Variants in GSDME observed in about 807,000 individuals in gnomAD.
GSDME encodes gasdermin E, also known as gasdermin-E.
GSDME carries 44 observed loss-of-function variants against 47.5 expected under a neutral mutation model. The ratio of observed to expected loss-of-function variants is 0.93; its 90% CI spans 0.73 to 1.19. GSDME has a LOEUF of 1.19. Ranked by LOEUF, GSDME falls within the 50% of genes most tolerant of loss-of-function variation. The probability of loss-of-function intolerance (pLI) is 0.00; values close to 1 mark genes in which losing one functional copy is unlikely to be tolerated. For synonymous variants in GSDME, 258 were observed against 252.8 expected, an observed-to-expected ratio of 1.02 and a Z score of -0.20; for missense variants, 663 against 604.2, an observed-to-expected ratio of 1.10 and a Z score of -1.02.
rs1317360048 is a variant in GSDME at position 24,756,890 on chromosome 7, G to A, written c.-20+506C>T. Among the ~76,000 whole-genome samples, 1 of 152,162 alleles carries A rather than the reference G, an allele frequency of 6.6e-6. No individual in the cohort carries two copies. Among genetic ancestry groups the A allele is most frequent in the African/African-American group, 2.4e-5 (1 of 41,428 alleles). ...CTCTAGATACCGGAGCAAAGTGGAGGGGGACTTTTTTCCGTCCAGAGAGAC... is the reference window on the plus strand; with the variant it reads ...CTCTAGATACCGGAGCAAAGTGGAGAGGGACTTTTTTCCGTCCAGAGAGAC... On this transcript the variant is annotated intron_variant, in intron 1 of 9. Transcript: ENST00000645220. This position sits in a 1 kb window ranked among gnomAD's most constrained non-coding sequence, Gnocchi z 4.2.
the GSDME span, among the ~76,000 whole-genome samples, chr7:24,781,424 T>C: frequency 6.6e-6 from 1 of 152,202 alleles, no homozygotes; most frequent in African/African-American, 2.4e-5. Flanking sequence ...TGAATTTATA[T>C]TCACAACACA....
intron 2 of GSDME, among the ~76,000 whole-genome samples, chr7:24,748,263 G>A (rs562807649): frequency 3.3e-5 from 5 of 151,206 alleles, no homozygotes; most frequent in Non-Finnish European, 7.4e-5. Flanking sequence ...GGGTTCAAGC[G>A]ATTCTCCTGC....
rs1291819695 is a variant in GSDME at position 24,702,785 on chromosome 7, TG to T, written c.1231del (p.Gln411ArgfsTer26). 6.2e-7 allele frequency: 1 copy of T among 1,613,564 alleles called. No individual in the cohort carries two copies. Among genetic ancestry groups the T allele is most frequent in the Non-Finnish European group, 8.5e-7 (1 of 1,179,660 alleles). On this transcript the variant is annotated frameshift_variant, in exon 9 of 10. Transcript: ENST00000645220. LOFTEE classifies it low-confidence loss of function (END_TRUNC). ...AALLGTCCKL[Q>X]IIPTLCHLLR... ...CAAGTGGCACAGTGTGGGAATGATC[TG>T]GAGTTTGCAGCAAGTGCCCAGCAGA...
rs1789458393 is a variant in GSDME, at chr7:24,714,199, G to A, written c.697+3055C>T. On this transcript the variant is annotated intron_variant, in intron 5 of 9. Transcript: ENST00000645220. This position sits in a 1 kb window ranked among gnomAD's most constrained non-coding sequence, Gnocchi z 5.0. ...AGAGGGGAGCTGTGGGTGAAGGAAA[G>A]GGTCTCATTGCAGCTGGCATGGCTG... Among the ~76,000 whole-genome samples, 1 of 152,216 alleles carries A rather than the reference G, an allele frequency of 6.6e-6. No homozygotes were observed. Among genetic ancestry groups the A allele is most frequent in the African/African-American group, 2.4e-5 (1 of 41,448 alleles).
the GSDME span, among the ~76,000 whole-genome samples, chr7:24,780,478 C>G: frequency 1.3e-5 from 2 of 152,172 alleles, no homozygotes; most frequent in Non-Finnish European, 2.9e-5. The surrounding 1 kb of genome is among the most constrained non-coding windows in gnomAD (Gnocchi z 4.1). Flanking sequence ...AGGATTTGAG[C>G]TGTTTTCTGC....
At chr7:24,791,672 C>T in the GSDME span, among the ~76,000 whole-genome samples, 1 of 152,104 alleles carries the variant, frequency 6.6e-6, no homozygotes, top group Non-Finnish European at 1.5e-5. This position sits in a 1 kb window ranked among gnomAD's most constrained non-coding sequence, Gnocchi z 4.8. Flanking sequence ...GATGAAATGC[C>T]AGGGTGAAAG....
chr7:24,699,521 G>A (rs1376257012), intron 9 of GSDME, among the ~76,000 whole-genome samples: 6 of 152,110 alleles, frequency 3.9e-5, no homozygotes, highest in East Asian at 1.9e-4. Flanking sequence ...TGTATTTTTA[G>A]TAGAGATGGG....
rs939929021 is a variant in GSDME at position 24,739,876 on chromosome 7, C to A, written c.404+4686G>T. On this transcript the variant is annotated intron_variant, in intron 3 of 9. Coordinates refer to ENST00000645220, the MANE Select transcript of GSDME (RefSeq NM_001127453.2). This position sits in a 1 kb window ranked among gnomAD's most constrained non-coding sequence, Gnocchi z 5.1. ...TTGGGAGGCTAAGGCAGGCGGATCA[C>A]GAGGTCAGGAGTTCAAGACCAGCCT... 7.2e-5 allele frequency among the ~76,000 whole-genome samples: 11 copies of A among 152,048 alleles called. No homozygotes were observed. The highest frequency in any genetic ancestry group is 1.0e-4 in the Non-Finnish European group (7 of 68,018).
chr7:24,762,607 T>C (rs1035342127), upstream of GSDME, among the ~76,000 whole-genome samples: 3 of 152,180 alleles, frequency 2.0e-5, no homozygotes, highest in Non-Finnish European at 4.4e-5. Context: ...GTACTGAGGA[T>C]ATAAGGTGAC....
chr7:24,769,089 T>G, the GSDME span, among the ~76,000 whole-genome samples: 1 of 152,328 alleles, frequency 6.6e-6, no homozygotes, highest in African/African-American at 2.4e-5. Flanking sequence ...CCTAACAAGT[T>G]AAAAAGCTGA....
intron 3 of GSDME, among the ~76,000 whole-genome samples, chr7:24,743,463 CA>C (rs1790551219): frequency 6.6e-6 from 1 of 152,214 alleles, no homozygotes. Context: ...AATAACTTCT[CA>C]ACTGAACTCC....
intron 7 of GSDME, chr7:24,707,339 G>C (rs931667507): frequency 2.1e-6 from 1 of 471,254 alleles, no homozygotes; most frequent in African/African-American, 2.0e-5. Context: ...CAGAATCTGG[G>C]TGGCTGGAGG....
At position 24,707,984 on chromosome 7, in the gene GSDME, A is replaced by G. The variant is rs1789184981; in HGVS notation, c.990+143T>C. On this transcript the variant is annotated intron_variant, in intron 7 of 9. Coordinates refer to ENST00000645220, the MANE Select transcript of GSDME (RefSeq NM_001127453.2). ...GCCAGCTACCTGTCTGCACTTAGAA[A>G]ACGCAGGACCCAAGAGTCAGAAAAG... The G allele has an allele frequency of 4.5e-5, 46 of 1,030,698 alleles. 1 individual carries two copies. The South Asian group carries it at 6.9e-4, about 15-fold the overall frequency. 63.8% of individuals were successfully genotyped at this position (1,030,698 alleles called of 1,614,324 possible). A position where few individuals can be genotyped will look rare whatever the true frequency, so the allele number is the denominator to read the frequency against.
chr7:24,703,201 G>A, intron 8 of GSDME: 1 of 347,986 alleles, frequency 2.9e-6, no homozygotes, highest in South Asian at 2.3e-5. Context: ...TCAGGCTGCA[G>A]CCTCAGGTAC....
upstream of GSDME, among the ~76,000 whole-genome samples, chr7:24,762,249 CA>C (rs11436239): frequency 4.9e-4 from 64 of 131,360 alleles, no homozygotes; most frequent in African/African-American, 6.0e-4. Context: ...AACTGTGTGT[CA>C]AAAAAAAAAA....
chr7:24,749,582 C>T lies in GSDME; in HGVS notation c.193G>A (p.Asp65Asn), dbSNP rs143116304. The T allele has an allele frequency of 1.9e-5, 31 of 1,613,080 alleles. No individual in the cohort carries two copies. The African/African-American group carries it at 3.3e-4, about 17-fold the overall frequency. The change falls in exon 2 of 10, where the codon GAC becomes AAC. Residue 65 changes from aspartate to asparagine, a missense_variant. Transcript: ENST00000645220. Reference sequence around the variant, plus strand: ...AACATACCTGGACTCGGAAATTGGTCTTCTATGAGTACATCGCCAAGGGTG... The same window carrying T: ...AACATACCTGGACTCGGAAATTGGTTTTCTATGAGTACATCGCCAAGGGTG... ...SLTLGDVLIE[D>N]QFPSPVVVES...
At position 24,706,278 on chromosome 7, in the gene GSDME, C is replaced by T. The variant is rs1200451754; in HGVS notation, c.1089G>A (p.Val363=). 2 of 1,614,190 alleles carry T rather than the reference C, an allele frequency of 1.2e-6. No individual in the cohort carries two copies. Among genetic ancestry groups the T allele is most frequent in the South Asian group, 1.1e-5 (1 of 91,084 alleles). The change falls in exon 8 of 10, where the codon GTG becomes GTA. Residue 363 remains valine, a synonymous_variant. Transcript: ENST00000645220. ...GACACCCACCCTGTAAGCTGCACCC[C>T]ACCAGCTGCAGGAAGGCCACAAGGT... ...QQDLVAFLQL[V]GCSLQGGCPG... is the part of the protein sequence containing the mutation.
intron 2 of GSDME, 139 bp downstream of exon 2, chr7:24,749,425 C>T (rs1008748499): frequency 2.7e-6 from 2 of 736,462 alleles, no homozygotes; most frequent in Non-Finnish European, 4.6e-6. Context: ...TCACCTGAAC[C>T]TGGGAGGCAG....
chr7:24,716,892 A>G lies in GSDME; in HGVS notation c.697+362T>C. Reference sequence around the variant, plus strand: ...AGCCAAGACTCAGCAAGATTCAGCAACTTGCCTGAGACCTCATAGGACATC... The same window carrying G: ...AGCCAAGACTCAGCAAGATTCAGCAGCTTGCCTGAGACCTCATAGGACATC... On this transcript the variant is annotated intron_variant, in intron 5 of 9. Coordinates refer to ENST00000645220, the MANE Select transcript of GSDME (RefSeq NM_001127453.2). This position sits in a 1 kb window ranked among gnomAD's most constrained non-coding sequence, Gnocchi z 4.5. 3.1e-6 allele frequency: 1 copy of G among 325,486 alleles called. No individual in the cohort carries two copies. Among genetic ancestry groups the G allele is most frequent in the Non-Finnish European group, 6.0e-6 (1 of 166,014 alleles). 20.2% of individuals were successfully genotyped at this position (325,486 alleles called of 1,614,324 possible).
Sources: gnomAD v4.1 joint callset for allele counts (sites outside exome capture counted in the v4.1 genomes callset) on GRCh38, gnomAD v4.1.1 for gene constraint, Gnocchi (gnomAD v3.1) non-coding constraint, MANE v1.5 for transcripts, NCBI Gene and HGNC (gene_info 2026-07-23, HGNC 2026-07-21) for gene names.